Variants in PTPRD observed in about 807,000 individuals in gnomAD.
PTPRD encodes protein tyrosine phosphatase receptor type D, also known as receptor-type tyrosine-protein phosphatase delta.
Under a neutral mutation model 214.5 loss-of-function variants are expected in PTPRD, and 34 were observed. That is an observed-to-expected ratio of 0.16 (90% CI 0.12 to 0.21). PTPRD has a LOEUF of 0.21. Ranked by LOEUF, PTPRD falls within the 10% of genes least tolerant of loss-of-function variation. The probability of loss-of-function intolerance (pLI) is 1.00; values close to 1 mark genes in which losing one functional copy is unlikely to be tolerated. For missense variants in PTPRD, 2,545 were observed against 2,398.7 expected, an observed-to-expected ratio of 1.06 and a Z score of -1.27; for synonymous variants, 1,128 against 845.7, an observed-to-expected ratio of 1.33 and a Z score of -5.79.
chr9:8,711,231 G>C (rs2098327005), intron 12 of PTPRD, among the ~76,000 whole-genome samples: 1 of 151,220 alleles, frequency 6.6e-6, no homozygotes, highest in Non-Finnish European at 1.5e-5. Context: ...AATTAAGGAA[G>C]CTCATTTAGT....
In PTPRD at chr9:8,518,437, G is replaced by A; in HGVS notation, c.962-8C>T. 2 of 1,566,590 alleles carry A rather than the reference G, an allele frequency of 1.3e-6. No homozygotes were observed. The highest frequency in any genetic ancestry group is 1.7e-6 in the Non-Finnish European group (2 of 1,158,524). ...CTGGAGGTTTGGGTAAGGCTTGGAT[G>A]GGGGAAGATAAAAGACAATGACTAC... On this transcript the variant is annotated splice_region_variant and splice_polypyrimidine_tract_variant and intron_variant, in intron 20 of 45. Transcript: ENST00000381196.
At chr9:9,025,862 T>A (rs2099585247) in intron 10 of PTPRD, among the ~76,000 whole-genome samples, 1 of 152,030 alleles carries the variant, frequency 6.6e-6, no homozygotes, top group Admixed American at 6.6e-5. Context: ...GCACTTAATA[T>A]TTACCTCATC....
chr9:9,911,143 C>G lies in PTPRD; in HGVS notation c.-368+27364G>C, dbSNP rs74686387. 5.9e-3 allele frequency among the ~76,000 whole-genome samples: 899 copies of G among 152,108 alleles called. 9 individuals carry two copies. Among genetic ancestry groups the G allele is most frequent in the African/African-American group, 0.021 (855 of 41,536 alleles). On this transcript the variant is annotated intron_variant, in intron 5 of 45. Coordinates refer to ENST00000381196, the MANE Select transcript of PTPRD (RefSeq NM_002839.4). Reference sequence around the variant, plus strand: ...ATAATATACATCAGCCCCATCCTCTCCTTTAACAAGGCTTTCACATTTCTA... The same window carrying G: ...ATAATATACATCAGCCCCATCCTCTGCTTTAACAAGGCTTTCACATTTCTA...
chr9:9,386,180 A>G (rs184957520), intron 9 of PTPRD, among the ~76,000 whole-genome samples: 14 of 152,268 alleles, frequency 9.2e-5, no homozygotes, highest in African/African-American at 3.4e-4. Context: ...TATGTTTCCA[A>G]TGACATGCAT....
chr9:10,518,125 T>G (rs1029923200), intron 2 of PTPRD, among the ~76,000 whole-genome samples: 1 of 152,202 alleles, frequency 6.6e-6, no homozygotes, highest in Non-Finnish European at 1.5e-5. Context: ...TAGAACATAA[T>G]AGCATTGTTA....
intron 5 of PTPRD, among the ~76,000 whole-genome samples, chr9:9,889,741 T>TC (rs1453129462): frequency 3.9e-5 from 6 of 151,932 alleles, no homozygotes; most frequent in South Asian, 4.2e-4. Context: ...AGGATAGAGG[T>TC]CCTCTCTTCC....
chr9:10,199,994 A>C (rs2099413184), intron 3 of PTPRD, among the ~76,000 whole-genome samples: 1 of 152,064 alleles, frequency 6.6e-6, no homozygotes, highest in African/African-American at 2.4e-5. Flanking sequence ...TTAGAATTAA[A>C]ATACAATTAT....
intron 5 of PTPRD, among the ~76,000 whole-genome samples, chr9:9,928,314 T>C (rs528196338): frequency 6.6e-6 from 1 of 152,284 alleles, no homozygotes; most frequent in South Asian, 2.1e-4. Context: ...CCACATTATT[T>C]TGTGAGTGGA....
intron 11 of PTPRD, among the ~76,000 whole-genome samples, chr9:8,923,187 G>A (rs899049963): frequency 2.6e-5 from 4 of 151,028 alleles, no homozygotes; most frequent in Admixed American, 6.6e-5. Flanking sequence ...GATTACAGGC[G>A]CCTGCCACCA....
intron 9 of PTPRD, among the ~76,000 whole-genome samples, chr9:9,222,727 C>T (rs139619711): frequency 6.6e-6 from 1 of 151,902 alleles, no homozygotes; most frequent in Non-Finnish European, 1.5e-5. Flanking sequence ...TAGGAGATCA[C>T]TGAAAATATC....
Position 8,453,959 on chromosome 9 carries a change from G to A in PTPRD, c.3876-4122C>T, listed in dbSNP as rs1039838086. On this transcript the variant is annotated intron_variant, in intron 33 of 45. Transcript: ENST00000381196. ...GGGAATTTATATATATGTTACATGTGTATATTTATACATAAGTGTATATGA... is the reference window on the plus strand; with the variant it reads ...GGGAATTTATATATATGTTACATGTATATATTTATACATAAGTGTATATGA... Among the ~76,000 whole-genome samples, 75 of 152,150 alleles carry A rather than the reference G, an allele frequency of 4.9e-4. 1 individual carries two copies. The highest frequency in any genetic ancestry group is 1.3e-4 in the Non-Finnish European group (9 of 68,032).
At chr9:10,247,780 T>C (rs980933472) in intron 3 of PTPRD, among the ~76,000 whole-genome samples, 6 of 152,120 alleles carry the variant, frequency 3.9e-5, no homozygotes, top group African/African-American at 1.4e-4. Flanking sequence ...ATTATGTCCC[T>C]GATGGTAGAG....
At chr9:8,916,509 G>T (rs1486387715) in intron 11 of PTPRD, among the ~76,000 whole-genome samples, 1 of 152,156 alleles carries the variant, frequency 6.6e-6, no homozygotes, top group Non-Finnish European at 1.5e-5. Flanking sequence ...GAGTAAATTA[G>T]TGACGATGAA....
At chr9:9,128,819 G>C (rs1470356494) in intron 10 of PTPRD, among the ~76,000 whole-genome samples, 2 of 152,184 alleles carry the variant, frequency 1.3e-5, no homozygotes, top group African/African-American at 2.4e-5. Flanking sequence ...AGAGAAGTTA[G>C]CGTAGTATAC....
At chr9:10,551,159 C>A (rs1037149421) in intron 2 of PTPRD, among the ~76,000 whole-genome samples, 28 of 151,956 alleles carry the variant, frequency 1.8e-4, no homozygotes, top group African/African-American at 5.8e-4. Context: ...CAGAGTGACA[C>A]CCCCAACTCT....
At chr9:8,728,365 T>G (rs1431247115) in intron 12 of PTPRD, among the ~76,000 whole-genome samples, 1 of 152,204 alleles carries the variant, frequency 6.6e-6, no homozygotes, top group African/African-American at 2.4e-5. Flanking sequence ...TTATTTTACT[T>G]TCTAAGAATT....
At chr9:8,793,086 T>G (rs1460926394) in intron 11 of PTPRD, among the ~76,000 whole-genome samples, 1 of 152,206 alleles carries the variant, frequency 6.6e-6, no homozygotes, top group Non-Finnish European at 1.5e-5. Context: ...CGTACCTGGG[T>G]AGCCAGCCTC....
At chr9:9,437,050 G>A (rs886365902) in intron 8 of PTPRD, among the ~76,000 whole-genome samples, 55 of 152,194 alleles carry the variant, frequency 3.6e-4, no homozygotes, top group African/African-American at 1.1e-3. Context: ...GGAAAATATC[G>A]TCTTGCTTTC....
intron 7 of PTPRD, among the ~76,000 whole-genome samples, chr9:9,727,483 A>G (rs2098115852): frequency 6.6e-6 from 1 of 152,164 alleles, no homozygotes; most frequent in African/African-American, 2.4e-5. Context: ...TCTTCATAAA[A>G]GCATTCATAA....
Sources: gnomAD v4.1 joint callset for allele counts (sites outside exome capture counted in the v4.1 genomes callset) on GRCh38, gnomAD v4.1.1 for gene constraint, MANE v1.5 for transcripts, NCBI Gene and HGNC (gene_info 2026-07-23, HGNC 2026-07-21) for gene names.